PTBP1: variants seen among roughly 807,000 people sequenced by gnomAD.
The protein encoded by PTBP1 is polypyrimidine tract binding protein 1.
A neutral mutation model predicts 59.8 loss-of-function variants in PTBP1; 8 were observed. The ratio of observed to expected loss-of-function variants is 0.13; its 90% CI spans 0.08 to 0.24. The LOEUF is 0.24. PTBP1 is among the 10% of genes least tolerant of loss of function. The probability of loss-of-function intolerance (pLI) is 1.00; values close to 1 mark genes in which losing one functional copy is unlikely to be tolerated. For synonymous variants in PTBP1, 490 were observed against 320.7 expected (o/e 1.53, Z -5.64); for missense variants, 686 against 767.0 (o/e 0.89, Z 1.25).
intron 13 of PTBP1, among the ~76,000 whole-genome samples, chr19:810,029 T>C (rs2034781992): frequency 6.6e-6 from 1 of 152,184 alleles, no homozygotes; most frequent in Non-Finnish European, 1.5e-5. Flanking sequence ...ACAAGGGGCC[T>C]GGCAGAGTGG....
intron 8 of PTBP1, 103 bp downstream of exon 8, chr19:805,290 C>T: frequency 7.3e-7 from 1 of 1,365,472 alleles, no homozygotes; most frequent in Non-Finnish European, 1.0e-6. Flanking sequence ...CAGGGTGATG[C>T]ACCTGCTGCT....
chr19:808,275 G>C lies in PTBP1; in HGVS notation c.1154-85G>C, dbSNP rs1242611967. On this transcript the variant is annotated intron_variant, in intron 11 of 14. Coordinates refer to ENST00000356948, the MANE Select transcript of PTBP1 (RefSeq NM_002819.5). This position sits in a 1 kb window ranked among gnomAD's most constrained non-coding sequence, Gnocchi z 4.7. ...ACCCGGCCGGGCTGAGCCGGGCCTT[G>C]TGGGGGTGCGCGGGGCCGGGGCTGA... is the stretch of plus-strand genomic sequence containing the variant. 7 of 1,181,418 alleles carry C rather than the reference G, an allele frequency of 5.9e-6. No homozygotes were observed. In the East Asian group the frequency reaches 1.8e-4, roughly 30 times the overall value. 73.2% of individuals were successfully genotyped at this position (1,181,418 alleles called of 1,614,324 possible).
At chr19:799,914 T>G (rs2034256620) in intron 2 of PTBP1, among the ~76,000 whole-genome samples, 1 of 151,910 alleles carries the variant, frequency 6.6e-6, no homozygotes, top group Non-Finnish European at 1.5e-5. Flanking sequence ...TGACGTTAAG[T>G]TTTTTTGTTT....
intron 9 of PTBP1, 61 bp from the exon 10 acceptor site, chr19:806,347 C>CGGAGA: frequency 6.6e-7 from 1 of 1,520,152 alleles, no homozygotes; most frequent in Non-Finnish European, 8.8e-7. Flanking sequence ...GAGCGTCGGC[C>CGGAGA]TCTCCCACTC....
chr19:807,930 CTTG>C (rs780089458), intron 11 of PTBP1, 28 bp downstream of exon 11: 1 of 1,595,662 alleles, frequency 6.3e-7, no homozygotes, highest in Non-Finnish European at 8.6e-7. Context: ...CTTTTATTAC[CTTG>C]TTTTCATTAA....
chr19:797,724 G>A (rs1369712865), intron 1 of PTBP1, among the ~76,000 whole-genome samples: 1 of 145,736 alleles, frequency 6.9e-6, no homozygotes, highest in East Asian at 2.1e-4. Flanking sequence ...GCCCGCTTCC[G>A]GCCCCCGCGC....
intron 5 of PTBP1, 39 bp from the exon 6 acceptor site, chr19:804,493 G>C (rs1179452614): frequency 1.3e-6 from 2 of 1,592,484 alleles, no homozygotes; most frequent in Non-Finnish European, 1.7e-6. Context: ...GGTGGGCCCA[G>C]CCGCAGGGGC....
rs1203226130 is a variant in PTBP1 at position 806,465 on chromosome 19, C to G, written c.1028C>G (p.Ala343Gly). Residue 343 changes from alanine to glycine, a missense_variant, in exon 10 of 15, where the codon GCG becomes GGG. By Grantham distance (60) the Ala-to-Gly change is moderately conservative. Transcript: ENST00000356948. ...ALAPLAIPSA[A>G]AAAAAAGRIA... ...GCCCCCCTGGCCATCCCCTCGGCGGCGGCGGCAGCTGCGGCGGCAGGTCGG... is the reference window on the plus strand; with the variant it reads ...GCCCCCCTGGCCATCCCCTCGGCGGGGGCGGCAGCTGCGGCGGCAGGTCGG... 1 of 1,595,564 alleles carries G rather than the reference C, an allele frequency of 6.3e-7. No individual in the cohort carries two copies. The highest frequency in any genetic ancestry group is 1.1e-5 in the South Asian group (1 of 90,106).
intron 7 of PTBP1, 30 bp downstream of exon 7, chr19:804,969 C>T (rs751334679): frequency 1.6e-5 from 25 of 1,612,138 alleles, no homozygotes; most frequent in East Asian, 2.2e-5. Context: ...CGGCGCCCGC[C>T]CTGGCCCTGG....
intron 2 of PTBP1, among the ~76,000 whole-genome samples, chr19:802,933 G>C (rs779593015): frequency 6.6e-6 from 1 of 152,252 alleles, no homozygotes; most frequent in Admixed American, 6.5e-5. Context: ...CCTAGTCACG[G>C]CCGCGATACC....
Position 805,147 on chromosome 19 carries a change from C to A in PTBP1, c.852C>A (p.Asp284Glu), listed in dbSNP as rs761997291. The A allele has an allele frequency of 2.5e-6, 4 of 1,613,624 alleles. No individual in the cohort carries two copies. The African/African-American group carries it at 5.3e-5, about 22-fold the overall frequency. ...DYTRPDLPSG[D>E]SQPSLDQTMA... ...CACGCCCAGACCTGCCTTCCGGGGA[C>A]AGCCAGCCCTCGCTGGACCAGACCA... Residue 284 changes from aspartate to glutamate, a missense_variant, in exon 8 of 15, where the codon GAC (aspartate) becomes GAA (glutamate). Asp to Glu is a conservative substitution (Grantham distance 45). Coordinates refer to ENST00000356948, the MANE Select transcript of PTBP1 (RefSeq NM_002819.5).
In PTBP1 at chr19:804,139, G is replaced by A. The variant is rs1362247217; in HGVS notation, c.219G>A (p.Gly73=). 1 of 1,613,866 alleles carries A rather than the reference G, an allele frequency of 6.2e-7. No homozygotes were observed. Among genetic ancestry groups the A allele is most frequent in the African/African-American group, 1.3e-5 (1 of 75,034 alleles). Residue 73 remains glycine, a synonymous_variant, in exon 4 of 15, where the codon GGG becomes GGA. Coordinates refer to ENST00000356948, the MANE Select transcript of PTBP1 (RefSeq NM_002819.5). Reference sequence around the variant, plus strand: ...AGCTCCCCATCGACGTCACGGAGGGGGAAGTCATCTCCCTGGGGCTGCCCT... The same window carrying A: ...AGCTCCCCATCGACGTCACGGAGGGAGAAGTCATCTCCCTGGGGCTGCCCT... ...IRKLPIDVTE[G]EVISLGLPFG...
Position 808,088 on chromosome 19 carries a change from C to G in PTBP1, c.1153+186C>G, listed in dbSNP as rs2145023108. On this transcript the variant is annotated intron_variant, in intron 11 of 14. Transcript: ENST00000356948. The surrounding 1 kb of genome is among the most constrained non-coding windows in gnomAD (Gnocchi z 4.7). ...TAGATACGTACGCATGGTTTATCGC[C>G]CTGCATGCTTTTCAGAGTTAGACCT... 1 of 653,932 alleles carries G rather than the reference C, an allele frequency of 1.5e-6. No homozygotes were observed. Among genetic ancestry groups the G allele is most frequent in the South Asian group, 1.8e-5 (1 of 54,100 alleles). 40.5% of individuals were successfully genotyped at this position (653,932 alleles called of 1,614,324 possible).
In PTBP1 at chr19:797,635, C is replaced by G. The variant is rs548938979; in HGVS notation, c.8+130C>G. On this transcript the variant is annotated intron_variant, in intron 1 of 14. Transcript: ENST00000356948. Reference sequence around the variant, plus strand: ...GGAGGGGGCGGCGGGCTCTCCCCTTCCTCTCCGCGTGGCGGGCGCGGGTGC... The same window carrying G: ...GGAGGGGGCGGCGGGCTCTCCCCTTGCTCTCCGCGTGGCGGGCGCGGGTGC... 4 of 508,172 alleles carry G rather than the reference C, an allele frequency of 7.9e-6. No homozygotes were observed. In the Admixed American group the frequency reaches 1.5e-4, roughly 19 times the overall value. 31.5% of individuals were successfully genotyped at this position (508,172 alleles called of 1,614,324 possible). A position where few individuals can be genotyped will look rare whatever the true frequency, so the allele number is the denominator to read the frequency against.
intron 13 of PTBP1, among the ~76,000 whole-genome samples, chr19:810,004 G>A (rs968532661): frequency 6.6e-6 from 1 of 152,192 alleles, no homozygotes; most frequent in Non-Finnish European, 1.5e-5. Context: ...CTTGTGAAAT[G>A]TTATCAGAAA....
chr19:808,826 A>C lies in PTBP1; in HGVS notation c.1463+64A>C, dbSNP rs1291292623. On this transcript the variant is annotated intron_variant, in intron 13 of 14. Transcript: ENST00000356948. The surrounding 1 kb of genome is among the most constrained non-coding windows in gnomAD (Gnocchi z 4.7). ...GGCAAGGGCTCTGCTTGGCTGTCCT[A>C]CCGCGTCGGTGTGTGGACTTCTGGC... 4.8e-6 allele frequency: 7 copies of C among 1,466,096 alleles called. No homozygotes were observed. Among genetic ancestry groups the C allele is most frequent in the Non-Finnish European group, 2.8e-6 (3 of 1,068,948 alleles). The allele number at this position is 1,466,096 out of a possible 1,614,324, so 90.8% of individuals were successfully genotyped here.
chr19:803,007 T>TC (rs536083811), intron 2 of PTBP1, among the ~76,000 whole-genome samples: 199 of 151,596 alleles, frequency 1.3e-3, no homozygotes, highest in Middle Eastern at 3.4e-3. Flanking sequence ...GAGACGGAGG[T>TC]CGGGTTTCTT....
At chr19:803,481 T>C (rs1459379587) in intron 2 of PTBP1, 80 bp from the exon 3 acceptor site, 2 of 1,254,718 alleles carry the variant, frequency 1.6e-6, no homozygotes, top group African/African-American at 3.0e-5. Flanking sequence ...GCAGCCCAAG[T>C]GGGAGCAGGG....
chr19:806,647 C>T, intron 10 of PTBP1, 91 bp downstream of exon 10: 1 of 1,294,252 alleles, frequency 7.7e-7, no homozygotes, highest in Non-Finnish European at 1.0e-6. Context: ...GCAGCGCCGC[C>T]CCTCGCTGTG....
Sources: gnomAD v4.1 joint callset for allele counts (sites outside exome capture counted in the v4.1 genomes callset) on GRCh38, gnomAD v4.1.1 for gene constraint, Gnocchi (gnomAD v3.1) non-coding constraint, MANE v1.5 for transcripts, NCBI Gene and HGNC (gene_info 2026-07-23, HGNC 2026-07-21) for gene names.